The following C22orf42 variants were observed in gnomAD, a reference collection of about 807,000 sequenced individuals.
C22orf42 encodes the protein uncharacterized protein C22orf42.
C22orf42 carries 24 observed loss-of-function variants against 31.4 expected under a neutral mutation model. That is an observed-to-expected ratio of 0.77 (90% CI 0.55 to 1.08). C22orf42 has a LOEUF of 1.08. C22orf42 is among the 50% of genes least tolerant of loss of function. The pLI, the probability that C22orf42 is intolerant of heterozygous loss-of-function variation, is 0.00. For missense variants in C22orf42, 276 were observed against 327.3 expected (o/e 0.84, Z 1.21); for synonymous variants, 96 against 112.7 (o/e 0.85, Z 0.94).
rs62238969 is a variant in C22orf42 at position 32,158,373 on chromosome 22, C to G, written c.232+611G>C. On this transcript the variant is annotated intron_variant, in intron 1 of 8. Coordinates refer to ENST00000382097, the MANE Select transcript of C22orf42 (RefSeq NM_001010859.3). The stretch of plus-strand genomic sequence containing the variant: ...CCATGACTAAACTCTTTGGGTAAAA[C>G]CAACACAAAAGCAATTTCTTTACAG... Among the ~76,000 whole-genome samples the G allele has an allele frequency of 1.4e-3, 216 of 152,302 alleles. 1 individual carries two copies. The highest frequency in any genetic ancestry group is 3.4e-3 in the Middle Eastern group (1 of 294).
At chr22:32,151,262 C>T (rs980617166) in intron 5 of C22orf42, among the ~76,000 whole-genome samples, 6 of 152,046 alleles carry the variant, frequency 3.9e-5, no homozygotes, top group Admixed American at 6.5e-5. Context: ...AAGGTTGCTA[C>T]TGAGAAATAC....
chr22:32,150,332 A>T lies in C22orf42; in HGVS notation c.641T>A (p.Met214Lys), dbSNP rs199905868. The T allele has an allele frequency of 3.1e-6, 5 of 1,614,022 alleles. No homozygotes were observed. The highest frequency in any genetic ancestry group is 4.2e-6 in the Non-Finnish European group (5 of 1,179,966). The part of the protein sequence containing the change: ...ESLSVSLEDL[M>K]TPEMAKERYE... ...AATGCATCTTACCATCTCCGGTGTC[A>T]TGAGGTCTTCAAGAGAGACAGATAG... The change falls in exon 7 of 9, where the codon ATG (methionine) becomes AAG (lysine). Residue 214 changes from methionine to lysine, a missense_variant. Met to Lys is a moderately conservative substitution (Grantham distance 95). Coordinates refer to ENST00000382097, the MANE Select transcript of C22orf42 (RefSeq NM_001010859.3).
chr22:32,150,059 G>A (rs1310318082), intron 7 of C22orf42: 4 of 547,590 alleles, frequency 7.3e-6, no homozygotes, highest in Non-Finnish European at 1.3e-5. Flanking sequence ...TGTAAGTGAT[G>A]CGCTCATTTT....
intron 6 of C22orf42, 53 bp downstream of exon 6, chr22:32,150,939 T>C (rs1177428596): frequency 6.5e-7 from 1 of 1,541,972 alleles, no homozygotes; most frequent in Middle Eastern, 1.7e-4. Flanking sequence ...AATGGGTGAA[T>C]GTTTTGCATG....
intron 2 of C22orf42, among the ~76,000 whole-genome samples, 191 bp from the exon 3 acceptor site, chr22:32,152,817 G>A (rs570928317): frequency 1.9e-4 from 29 of 152,302 alleles, no homozygotes; most frequent in African/African-American, 6.5e-4. Flanking sequence ...AAATGAAAGA[G>A]CCTTGGCTTT....
At position 32,159,090 on chromosome 22, in the gene C22orf42, T is replaced by A. The variant is rs754696040; in HGVS notation, c.126A>T (p.Ala42=). 2 of 1,614,096 alleles carry A rather than the reference T, an allele frequency of 1.2e-6. No individual in the cohort carries two copies. The highest frequency in any genetic ancestry group is 2.7e-5 in the African/African-American group (2 of 74,932). Residue 42 remains alanine (A), a synonymous_variant, in exon 1 of 9, where the codon GCA becomes GCT. Transcript: ENST00000382097. ...ATTTGGCAGGCTTTGCAGTGGTGGA[T>A]GCTGGTGCTGTGGCTGCCACAGTCT... The part of the protein sequence containing the change: ...IPETVAATAP[A]STTAKPAKLD...
At chr22:32,157,918 C>T (rs558582543) in intron 1 of C22orf42, among the ~76,000 whole-genome samples, 52 of 152,386 alleles carry the variant, frequency 3.4e-4, no homozygotes, top group African/African-American at 1.2e-3. Flanking sequence ...CTGCACTATT[C>T]GTCCTGGGCT....
intron 7 of C22orf42, 51 bp from the exon 8 acceptor site, chr22:32,149,831 T>C: frequency 7.0e-7 from 1 of 1,430,090 alleles, no homozygotes; most frequent in Non-Finnish European, 9.1e-7. Context: ...TGCTGGGCCC[T>C]GTTGGCACAG....
chr22:32,159,729 A>G (rs1286565085), upstream of C22orf42, among the ~76,000 whole-genome samples: 1 of 152,182 alleles, frequency 6.6e-6, no homozygotes, highest in East Asian at 1.9e-4. Flanking sequence ...TACAAGTGTT[A>G]CTTTTTGTCT....
At chr22:32,158,527 A>G (rs1264251304) in intron 1 of C22orf42, among the ~76,000 whole-genome samples, 1 of 152,240 alleles carries the variant, frequency 6.6e-6, no homozygotes, top group Non-Finnish European at 1.5e-5. Context: ...AAAACCATCT[A>G]TTAAGAATAC....
chr22:32,153,114 C>T (rs1427054999), intron 2 of C22orf42, among the ~76,000 whole-genome samples: 2 of 152,172 alleles, frequency 1.3e-5, no homozygotes, highest in Non-Finnish European at 2.9e-5. Context: ...CAATGAGTTA[C>T]ATTCAGGGTG....
chr22:32,150,173 G>T (rs2094110086), intron 7 of C22orf42, 146 bp downstream of exon 7: 6 of 811,642 alleles, frequency 7.4e-6, no homozygotes, highest in Non-Finnish European at 1.2e-5. Context: ...AATCGAATAT[G>T]ATATTCCCTT....
At chr22:32,149,691 A>G in intron 8 of C22orf42, 62 bp downstream of exon 8, 1 of 1,151,996 alleles carries the variant, frequency 8.7e-7, no homozygotes, top group Non-Finnish European at 1.1e-6. Flanking sequence ...ATATCTACAT[A>G]TCTATATCTA....
At chr22:32,158,687 C>A (rs955207139) in intron 1 of C22orf42, among the ~76,000 whole-genome samples, 1 of 152,132 alleles carries the variant, frequency 6.6e-6, no homozygotes, top group Non-Finnish European at 1.5e-5. Flanking sequence ...AGGTACCAGA[C>A]CAGCTGGATG....
At chr22:32,154,737 C>A (rs1448918438) in intron 1 of C22orf42, among the ~76,000 whole-genome samples, 5 of 152,100 alleles carry the variant, frequency 3.3e-5, no homozygotes, top group Non-Finnish European at 5.9e-5. Context: ...CTACTAAGAT[C>A]TATAGGGCTA....
chr22:32,149,648 A>G (rs541455767), intron 8 of C22orf42, 35 bp from the exon 9 acceptor site: 1 of 1,338,606 alleles, frequency 7.5e-7, no homozygotes, highest in South Asian at 2.0e-5. Flanking sequence ...TCTCAAAAAA[A>G]AAATATATAT....
Position 32,159,153 on chromosome 22 carries a change from C to T in C22orf42, c.63G>A (p.Arg21=). The change falls in exon 1 of 9, where the codon AGG becomes AGA. Residue 21 remains arginine, a synonymous_variant. Coordinates refer to ENST00000382097, the MANE Select transcript of C22orf42 (RefSeq NM_001010859.3). ...PSGGLNCDCC[R]PDVGPCHECE... The stretch of plus-strand genomic sequence containing the variant: ...ACTCATGGCAGGGTCCCACATCTGG[C>T]CTGCAGCAGTCACAGTTGAGGCCCC... 6.2e-7 allele frequency: 1 copy of T among 1,614,132 alleles called. No homozygotes were observed. Among genetic ancestry groups the T allele is most frequent in the Non-Finnish European group, 8.5e-7 (1 of 1,180,024 alleles).
intron 1 of C22orf42, among the ~76,000 whole-genome samples, chr22:32,158,603 A>T (rs927505298): frequency 6.6e-6 from 1 of 152,244 alleles, no homozygotes; most frequent in Non-Finnish European, 1.5e-5. Flanking sequence ...TTGAGTCTAA[A>T]TTATCCCAAT....
At chr22:32,159,400 G>A, upstream of C22orf42, 1 of 1,426,378 alleles carries the variant, frequency 7.0e-7, no homozygotes, top group Non-Finnish European at 9.1e-7. Flanking sequence ...GGCTCACAAT[G>A]GCCGACCCCA....
Sources: gnomAD v4.1 joint callset for allele counts (sites outside exome capture counted in the v4.1 genomes callset) on GRCh38, gnomAD v4.1.1 for gene constraint, MANE v1.5 for transcripts, NCBI Gene and HGNC (gene_info 2026-07-23, HGNC 2026-07-21) for gene names.